The following KCND2 variants were observed in gnomAD, a reference collection of about 807,000 sequenced individuals.
KCND2 encodes the protein potassium voltage-gated channel subfamily D member 2.
In KCND2, 16 loss-of-function variants were observed where a neutral mutation model predicts 54.4. The ratio of observed to expected loss-of-function variants is 0.29; its 90% CI spans 0.20 to 0.45. KCND2 has a LOEUF of 0.45. Among genes scored for constraint, KCND2 ranks in the 20% least tolerant of loss-of-function variants. The pLI is 1.00. For synonymous variants in KCND2, 317 were observed against 310.7 expected (o/e 1.02, Z -0.21); for missense variants, 486 against 824.2 (o/e 0.59, Z 5.02).
chr7:120,659,665 A>G (rs1337454049), intron 1 of KCND2, among the ~76,000 whole-genome samples: 2 of 152,204 alleles, frequency 1.3e-5, no homozygotes, highest in Non-Finnish European at 2.9e-5. Flanking sequence ...CCAATGAGAC[A>G]TTTATATTTA....
At chr7:120,357,480 T>A (rs949581893) in intron 1 of KCND2, among the ~76,000 whole-genome samples, 2 of 152,180 alleles carry the variant, frequency 1.3e-5, no homozygotes, top group Non-Finnish European at 2.9e-5. Context: ...TTTGTTTATT[T>A]ATGTATACCT....
At chr7:120,672,432 T>G (rs1259213953) in intron 1 of KCND2, among the ~76,000 whole-genome samples, 1 of 152,104 alleles carries the variant, frequency 6.6e-6, no homozygotes, top group Non-Finnish European at 1.5e-5. Context: ...TACTGACCCC[T>G]CCTACCTGTT....
intron 1 of KCND2, among the ~76,000 whole-genome samples, chr7:120,668,998 T>C (rs968602922): frequency 6.6e-6 from 1 of 152,122 alleles, no homozygotes; most frequent in Non-Finnish European, 1.5e-5. Context: ...TAACAGTCTA[T>C]TCTTCATACT....
At chr7:120,502,646 A>T (rs1802953521) in intron 1 of KCND2, among the ~76,000 whole-genome samples, 1 of 152,020 alleles carries the variant, frequency 6.6e-6, no homozygotes, top group Non-Finnish European at 1.5e-5. Flanking sequence ...TCTTGAACAA[A>T]ACTATGAGTA....
At chr7:120,545,907 T>A (rs550408802) in intron 1 of KCND2, among the ~76,000 whole-genome samples, 6 of 151,822 alleles carry the variant, frequency 4.0e-5, no homozygotes, top group African/African-American at 1.4e-4. Flanking sequence ...TTGAATTAAA[T>A]CTTCAGGTCA....
At chr7:120,576,197 T>G (rs1241229125) in intron 1 of KCND2, among the ~76,000 whole-genome samples, 3 of 152,142 alleles carry the variant, frequency 2.0e-5, no homozygotes, top group African/African-American at 4.8e-5. Flanking sequence ...ACACAATATT[T>G]GAAAAATAAT....
chr7:120,301,473 TA>T (rs1414235009), intron 1 of KCND2, among the ~76,000 whole-genome samples: 2 of 152,270 alleles, frequency 1.3e-5, no homozygotes, highest in Non-Finnish European at 2.9e-5. Context: ...CTAAAATCTT[TA>T]ACAGGCCTTA....
At chr7:120,746,310 T>A (rs1259218562) in intron 5 of KCND2, among the ~76,000 whole-genome samples, 1 of 152,156 alleles carries the variant, frequency 6.6e-6, no homozygotes, top group Admixed American at 6.5e-5. Flanking sequence ...TTTTCTTATT[T>A]GGGCAAGGAC....
At position 120,644,981 on chromosome 7, in the gene KCND2, C is replaced by G. The variant is rs188202711; in HGVS notation, c.1116-87922C>G. ...CCTATGAAGTTTTTCTGTGCTGCCT[C>G]TCTCTAAACTTTTTATATGTCCCAT... On this transcript the variant is annotated intron_variant, in intron 1 of 5. Coordinates refer to ENST00000331113, the MANE Select transcript of KCND2 (RefSeq NM_012281.3). Among the ~76,000 whole-genome samples the G allele has an allele frequency of 1.9e-3, 291 of 152,206 alleles. 1 individual carries two copies. Among genetic ancestry groups the G allele is most frequent in the African/African-American group, 6.6e-3 (273 of 41,528 alleles).
intron 1 of KCND2, among the ~76,000 whole-genome samples, chr7:120,631,005 G>A (rs1254748309): frequency 6.6e-6 from 1 of 152,138 alleles, no homozygotes; most frequent in Non-Finnish European, 1.5e-5. Flanking sequence ...GTTTAAAAGA[G>A]ATTAAATGTG....
At chr7:120,731,919 G>A (rs1181101936) in intron 1 of KCND2, among the ~76,000 whole-genome samples, 3 of 152,116 alleles carry the variant, frequency 2.0e-5, no homozygotes, top group South Asian at 4.1e-4. Flanking sequence ...ATTGTGGGGG[G>A]AAAATATTTG....
intron 1 of KCND2, among the ~76,000 whole-genome samples, chr7:120,389,222 C>T (rs1474032014): frequency 6.6e-6 from 1 of 151,850 alleles, no homozygotes; most frequent in Admixed American, 6.6e-5. Context: ...CAATTATTTA[C>T]ATTTCAAGTT....
rs181817774 is a variant in KCND2 at position 120,681,150 on chromosome 7, C to T, written c.1116-51753C>T. Reference sequence around the variant, plus strand: ...TTCAAACTAGCATTTGGCTGGGATGCGTAGTCCCTAAAGAGTTGACATTGC... The same window carrying T: ...TTCAAACTAGCATTTGGCTGGGATGTGTAGTCCCTAAAGAGTTGACATTGC... On this transcript the variant is annotated intron_variant, in intron 1 of 5. Transcript: ENST00000331113. Among the ~76,000 whole-genome samples the T allele has an allele frequency of 4.6e-5, 7 of 152,130 alleles. No homozygotes were observed. In the East Asian group the frequency reaches 9.6e-4, roughly 21 times the overall value.
At chr7:120,485,192 T>A (rs1423961625) in intron 1 of KCND2, among the ~76,000 whole-genome samples, 1 of 152,188 alleles carries the variant, frequency 6.6e-6, no homozygotes, top group Non-Finnish European at 1.5e-5. Flanking sequence ...CCAGCCTCAT[T>A]TAATGTAATA....
chr7:120,394,190 C>T (rs1187782488), intron 1 of KCND2, among the ~76,000 whole-genome samples: 1 of 151,914 alleles, frequency 6.6e-6, no homozygotes, highest in South Asian at 2.1e-4. Flanking sequence ...GGAGTTATTA[C>T]TCAAATCAGT....
chr7:120,353,925 T>G (rs1197739583), intron 1 of KCND2, among the ~76,000 whole-genome samples: 1 of 152,158 alleles, frequency 6.6e-6, no homozygotes, highest in Non-Finnish European at 1.5e-5. Flanking sequence ...ACAAACTAGT[T>G]TCACTTAAGA....
intron 2 of KCND2, among the ~76,000 whole-genome samples, chr7:120,737,082 A>C (rs913410911): frequency 8.0e-5 from 12 of 149,838 alleles, no homozygotes; most frequent in African/African-American, 2.2e-4. Flanking sequence ...ACACAAACAA[A>C]AAAAAAAAAA....
At chr7:120,318,857 C>G (rs1799852690) in intron 1 of KCND2, among the ~76,000 whole-genome samples, 1 of 151,972 alleles carries the variant, frequency 6.6e-6, no homozygotes, top group South Asian at 2.1e-4. Flanking sequence ...CATTTAGAAA[C>G]AAATAGAACA....
chr7:120,627,258 G>A lies in KCND2; in HGVS notation c.1116-105645G>A, dbSNP rs944030791. 2.6e-5 allele frequency among the ~76,000 whole-genome samples: 4 copies of A among 151,934 alleles called. No individual in the cohort carries two copies. In the South Asian group the frequency reaches 8.3e-4, roughly 32 times the overall value. ...ATTTTTTTATGTAGAAGAAGAGAAA[G>A]GCAAATAAACATATATTAATATTCT... On this transcript the variant is annotated intron_variant, in intron 1 of 5. Transcript: ENST00000331113.
Sources: allele counts gnomAD v4.1 joint callset (sites outside exome capture counted in the v4.1 genomes callset), GRCh38; gene constraint gnomAD v4.1.1; transcripts MANE v1.5; gene names NCBI Gene and HGNC (gene_info 2026-07-23, HGNC 2026-07-21).